Variants in TMEM214 observed in about 807,000 individuals in gnomAD.
TMEM214 encodes the protein transmembrane protein 214.
A neutral mutation model predicts 89.8 loss-of-function variants in TMEM214; 71 were observed. The ratio of observed to expected loss-of-function variants is 0.79; its 90% confidence interval spans 0.65 to 0.96. TMEM214 has a LOEUF of 0.96. TMEM214 is among the 40% of genes least tolerant of loss of function. The pLI, the probability that TMEM214 is intolerant of heterozygous loss-of-function variation, is 0.00. For synonymous variants in TMEM214, 332 were observed against 349.5 expected (o/e 0.95, Z 0.56); for missense variants, 754 against 843.4 (o/e 0.89, Z 1.31).
At position 27,037,478 on chromosome 2, in the gene TMEM214, A is replaced by G. The variant is rs1036265855; in HGVS notation, c.1011-83A>G. ...CAGTGGCTATTCCCCACAGGCAGGCATGGGCTCTGAAGCAAGCAAAAGGTT... is the reference window on the plus strand; with the variant it reads ...CAGTGGCTATTCCCCACAGGCAGGCGTGGGCTCTGAAGCAAGCAAAAGGTT... On this transcript the variant is annotated intron_variant, in intron 8 of 16. Transcript: ENST00000238788. The G allele has an allele frequency of 6.4e-6, 10 of 1,556,096 alleles. No individual in the cohort carries two copies. The African/African-American group carries it at 9.5e-5, about 15-fold the overall frequency.
In TMEM214 at chr2:27,033,027, G is replaced by T; in HGVS notation, c.12G>T (p.Lys4Asn). MAT[K>N]TAGVGRWEVV... is the part of the protein sequence containing the mutation. Reference sequence around the variant, plus strand: ...GAGGGCTGCGAGCCATGGCGACCAAGACGGCGGGCGTGGGGCGGTGGGAGG... The same window carrying T: ...GAGGGCTGCGAGCCATGGCGACCAATACGGCGGGCGTGGGGCGGTGGGAGG... Residue 4 changes from lysine to asparagine, a missense_variant, in exon 1 of 17, where the codon AAG (lysine) becomes AAT (asparagine). Transcript: ENST00000238788. 8.0e-7 allele frequency: 1 copy of T among 1,247,118 alleles called. No homozygotes were observed. Among genetic ancestry groups the T allele is most frequent in the African/African-American group, 1.5e-5 (1 of 64,540 alleles). 77.3% of individuals were successfully genotyped at this position (1,247,118 alleles called of 1,614,324 possible).
intron 7 of TMEM214, 123 bp downstream of exon 7, chr2:27,036,909 C>A: frequency 8.6e-7 from 1 of 1,168,758 alleles, no homozygotes; most frequent in South Asian, 1.2e-5. Context: ...GCTTCTCCCA[C>A]CACCTTAGAA....
Position 27,038,223 on chromosome 2 carries a change from C to T in TMEM214, c.1230C>T (p.His410=), listed in dbSNP as rs752945905. ...ASVWRQLYPK[H]LSQSSLLLEH... is the part of the protein sequence containing the mutation. ...TCTGGAGGCAGCTGTACCCTAAGCACCTGTCACAGTCCAGGCAGGTGGGGT... is the reference window on the plus strand; with the variant it reads ...TCTGGAGGCAGCTGTACCCTAAGCATCTGTCACAGTCCAGGCAGGTGGGGT... Residue 410 remains histidine, a synonymous_variant, in exon 10 of 17, where the codon CAC becomes CAT. Transcript: ENST00000238788. The surrounding 1 kb of genome is among the most constrained non-coding windows in gnomAD (Gnocchi z 4.4). 7 of 1,614,066 alleles carry T rather than the reference C, an allele frequency of 4.3e-6. No homozygotes were observed. Among genetic ancestry groups the T allele is most frequent in the Middle Eastern group, 3.3e-4 (2 of 6,060 alleles).
chr2:27,038,954 G>A lies in TMEM214; in HGVS notation c.1408-93G>A, dbSNP rs780491419. 104 of 1,485,492 alleles carry A rather than the reference G, an allele frequency of 7.0e-5. No homozygotes were observed. Among genetic ancestry groups the A allele is most frequent in the Non-Finnish European group, 9.4e-5 (101 of 1,069,894 alleles). The allele number at this position is 1,485,492 out of a possible 1,614,324, so 92.0% of individuals were successfully genotyped here. ...CTCCAGGATAATGTGAAGGCTTGACGCTCTTTCGGGAAGGCCTGGCTTGAG... is the reference window on the plus strand; with the variant it reads ...CTCCAGGATAATGTGAAGGCTTGACACTCTTTCGGGAAGGCCTGGCTTGAG... On this transcript the variant is annotated intron_variant, in intron 12 of 16. Coordinates refer to ENST00000238788, the MANE Select transcript of TMEM214 (RefSeq NM_017727.5). The surrounding 1 kb of genome is among the most constrained non-coding windows in gnomAD (Gnocchi z 4.4).
At position 27,039,130 on chromosome 2, in the gene TMEM214, G is replaced by C; in HGVS notation, c.1491G>C (p.Leu497=). The C allele has an allele frequency of 1.2e-6, 2 of 1,613,874 alleles. No homozygotes were observed. The highest frequency in any genetic ancestry group is 1.7e-6 in the Non-Finnish European group (2 of 1,180,038). Residue 497 remains leucine, a synonymous_variant, in exon 13 of 17, where the codon CTG becomes CTC. Transcript: ENST00000238788. ...LLLLVFAVGF[L]CHDLRSHSSF... The stretch of plus-strand genomic sequence containing the variant: ...TGCTGGTCTTCGCTGTAGGCTTCCT[G>C]TGCCATGACCTCCGGTCACACAGCT...
chr2:27,040,013 A>T lies in TMEM214; in HGVS notation c.1623-17A>T. The stretch of plus-strand genomic sequence containing the variant: ...AGGAGACTCAGAGCCCTCTTCCCCC[A>T]CTTCCATCTTCCACAGCTGGCTGGG... On this transcript the variant is annotated splice_polypyrimidine_tract_variant and intron_variant, in intron 14 of 16. Coordinates refer to ENST00000238788, the MANE Select transcript of TMEM214 (RefSeq NM_017727.5). The T allele has an allele frequency of 6.3e-7, 1 of 1,599,668 alleles. No homozygotes were observed. Among genetic ancestry groups the T allele is most frequent in the Non-Finnish European group, 8.5e-7 (1 of 1,176,360 alleles).
chr2:27,033,289 C>G (rs1224221268), intron 1 of TMEM214, 123 bp downstream of exon 1: 1 of 1,005,366 alleles, frequency 9.9e-7, no homozygotes, highest in Non-Finnish European at 1.3e-6. Context: ...TGCGTTGTCT[C>G]TTTGGAGCCT....
At position 27,038,203 on chromosome 2, in the gene TMEM214, A is replaced by G; in HGVS notation, c.1210A>G (p.Arg404Gly). The G allele has an allele frequency of 6.2e-7, 1 of 1,614,128 alleles. No homozygotes were observed. Among genetic ancestry groups the G allele is most frequent in the Non-Finnish European group, 8.5e-7 (1 of 1,180,000 alleles). ...GGACCCCCTCAGTGCCAGCGTCTGG[A>G]GGCAGCTGTACCCTAAGCACCTGTC... ...TVDPLSASVWRQLYPKHLSQS... is the reference protein window; with the variant it reads ...TVDPLSASVWGQLYPKHLSQS... The change falls in exon 10 of 17, where the codon AGG becomes GGG. Residue 404 changes from arginine to glycine, a missense_variant. Arg to Gly is a moderately radical substitution (Grantham distance 125). Coordinates refer to ENST00000238788, the MANE Select transcript of TMEM214 (RefSeq NM_017727.5). This position sits in a 1 kb window ranked among gnomAD's most constrained non-coding sequence, Gnocchi z 4.4.
Position 27,038,874 on chromosome 2 carries a change from C to T in TMEM214, c.1407+59C>T. On this transcript the variant is annotated intron_variant, in intron 12 of 16. Coordinates refer to ENST00000238788, the MANE Select transcript of TMEM214 (RefSeq NM_017727.5). This position sits in a 1 kb window ranked among gnomAD's most constrained non-coding sequence, Gnocchi z 4.4. ...TATCTTACATCTCTGTCTCAGCACA[C>T]CTGGGTTGGGCCTGTATCACATTCC... 1 of 1,525,702 alleles carries T rather than the reference C, an allele frequency of 6.6e-7. No homozygotes were observed. The highest frequency in any genetic ancestry group is 9.1e-7 in the Non-Finnish European group (1 of 1,104,390). 94.5% of individuals were successfully genotyped at this position (1,525,702 alleles called of 1,614,324 possible). A position where few individuals can be genotyped will look rare whatever the true frequency, so the allele number is the denominator to read the frequency against.
At chr2:27,039,685 C>G in intron 13 of TMEM214, 56 bp from the exon 14 acceptor site, 2 of 1,459,364 alleles carry the variant, frequency 1.4e-6, no homozygotes, top group Non-Finnish European at 1.9e-6. Context: ...TAGTGTCTGT[C>G]TCCCCAGTCC....
rs763829435 is a variant in TMEM214, at chr2:27,035,703, G to A, written c.612G>A (p.Met204Ile). ...ELFFDHCLFT[M>I]LQELDKTPGE... ...TTTTTGACCACTGTCTGTTCACCAT[G>A]TTGCAAGAGCTGGATAAGACACCAG... Residue 204 changes from methionine (M) to isoleucine (I), a missense_variant, in exon 4 of 17, where the codon ATG (methionine) becomes ATA (isoleucine). Transcript: ENST00000238788. The A allele has an allele frequency of 3.7e-6, 6 of 1,614,240 alleles. No individual in the cohort carries two copies. In the Admixed American group the frequency reaches 5.0e-5, roughly 13 times the overall value.
In TMEM214 at chr2:27,040,946, C is replaced by A; in HGVS notation, c.*109C>A. The A allele has an allele frequency of 1.4e-6, 2 of 1,419,126 alleles. No individual in the cohort carries two copies. Among genetic ancestry groups the A allele is most frequent in the South Asian group, 1.3e-5 (1 of 75,948 alleles). 87.9% of individuals were successfully genotyped at this position (1,419,126 alleles called of 1,614,324 possible). ...GTCTTTTTAACTTGGTGCCTGAGTT[C>A]TCTCCTAGGCAAGTGGCCAGTTGCC... On this transcript the variant is annotated 3_prime_UTR_variant, in exon 17 of 17. Transcript: ENST00000238788.
rs1667807919 is a variant in TMEM214, at chr2:27,040,867, A to G, written c.*30A>G. The G allele has an allele frequency of 2.5e-6, 4 of 1,607,174 alleles. No individual in the cohort carries two copies. Among genetic ancestry groups the G allele is most frequent in the African/African-American group, 1.3e-5 (1 of 74,932 alleles). Reference sequence around the variant, plus strand: ...TGCCTTCCTGGCCACTGATTTCTGCATGGGTAGACCATCCAAGACTGCAGC... The same window carrying G: ...TGCCTTCCTGGCCACTGATTTCTGCGTGGGTAGACCATCCAAGACTGCAGC... On this transcript the variant is annotated 3_prime_UTR_variant, in exon 17 of 17. Coordinates refer to ENST00000238788, the MANE Select transcript of TMEM214 (RefSeq NM_017727.5).
In TMEM214 at chr2:27,036,767, T is replaced by C. The variant is rs367685464; in HGVS notation, c.889T>C (p.Tyr297His). 1.9e-5 allele frequency: 30 copies of C among 1,613,972 alleles called. No individual in the cohort carries two copies. The highest frequency in any genetic ancestry group is 2.5e-5 in the Non-Finnish European group (29 of 1,180,020). The change falls in exon 7 of 17, where the codon TAC (tyrosine) becomes CAC (histidine). Residue 297 changes from tyrosine (Y) to histidine (H), a missense_variant. Tyr to His is a moderately conservative substitution (Grantham distance 83, BLOSUM62 2). Transcript: ENST00000238788. The part of the protein sequence containing the change: ...IKSLSPFAIT[Y>H]LDRLLLMHPN... The stretch of plus-strand genomic sequence containing the variant: ...GTCTCTGTCTCCCTTTGCCATCACA[T>C]ACCTGGATCGGCTGCTCCTGTGAGT...
At chr2:27,037,965 C>T in intron 9 of TMEM214, 181 bp from the exon 10 acceptor site, 1 of 1,551,070 alleles carries the variant, frequency 6.4e-7, no homozygotes, top group Non-Finnish European at 8.7e-7. Flanking sequence ...TCAGGAGCCC[C>T]AGCCTCCTGC....
rs1667456850 is a variant in TMEM214, at chr2:27,034,370, G to T, written c.351+104G>T. The T allele has an allele frequency of 8.3e-6, 11 of 1,326,062 alleles. No homozygotes were observed. The Admixed American group carries it at 1.2e-4, about 14-fold the overall frequency. The allele number at this position is 1,326,062 out of a possible 1,614,324, so 82.1% of individuals were successfully genotyped here. A position where few individuals can be genotyped will look rare whatever the true frequency, so the allele number is the denominator to read the frequency against. On this transcript the variant is annotated intron_variant, in intron 2 of 16. Transcript: ENST00000238788. ...GGGCAGCTGAGATCCTATGGGATTT[G>T]AAACACTTTAAGGGTTGAGAGGAGT...
At chr2:27,035,893 C>G (rs2304713) in intron 4 of TMEM214, 77 bp from the exon 5 acceptor site, 117,188 of 1,582,458 alleles carry the variant, frequency 0.074, 5,099 homozygotes, top group East Asian at 0.17. Context: ...GGCCTGGGCT[C>G]ACCGCTGACA....
At chr2:27,036,374 T>C (rs1049483194) in intron 5 of TMEM214, 113 bp from the exon 6 acceptor site, 21 of 937,546 alleles carry the variant, frequency 2.2e-5, no homozygotes, top group Non-Finnish European at 3.6e-5. Context: ...TGCTCCACTC[T>C]TGCTCGGCCT....
At chr2:27,037,891 A>G in intron 9 of TMEM214, 189 bp downstream of exon 9, 1 of 1,552,830 alleles carries the variant, frequency 6.4e-7, no homozygotes, top group African/African-American at 1.4e-5. Context: ...CAGCACATTC[A>G]GGTCTGGGTG....
Sources: allele counts gnomAD v4.1 joint callset, GRCh38; gene constraint gnomAD v4.1.1; non-coding constraint Gnocchi (gnomAD v3.1); transcripts MANE v1.5; gene names NCBI Gene and HGNC (gene_info 2026-07-23, HGNC 2026-07-21).